AK3: variants seen among roughly 807,000 people sequenced by gnomAD.
AK3 encodes the protein GTP:AMP phosphotransferase AK3, mitochondrial.
AK3 carries 27 observed loss-of-function variants against 23.7 expected under a neutral mutation model. The observed-to-expected ratio is 1.14, with a 90% CI of 0.84 to 1.57. The LOEUF (loss-of-function observed/expected upper bound fraction) is 1.57, where lower values mean the gene tolerates loss of function less well. Ranked by LOEUF, AK3 falls within the 40% of genes most tolerant of loss-of-function variation. The pLI is 0.00. For missense variants in AK3, 406 were observed against 285.6 expected (o/e 1.42, Z -3.04); for synonymous variants, 159 against 116.0 (o/e 1.37, Z -2.38).
chr9:4,723,603 C>T (rs1388627178), intron 1 of AK3, among the ~76,000 whole-genome samples: 2 of 152,148 alleles, frequency 1.3e-5, no homozygotes, highest in East Asian at 3.8e-4. Context: ...AACCGTAATT[C>T]CATCATAATC....
intron 1 of AK3, among the ~76,000 whole-genome samples, chr9:4,729,339 C>T (rs773767306): frequency 2.6e-5 from 4 of 152,014 alleles, no homozygotes; most frequent in Non-Finnish European, 4.4e-5. Flanking sequence ...TTGCTGGGTG[C>T]TTGGTATGTG....
rs760405394 is a variant in AK3 at position 4,719,210 on chromosome 9, T to C, written c.369A>G (p.Gln123=). 4.3e-6 allele frequency: 7 copies of C among 1,611,938 alleles called. No homozygotes were observed. The highest frequency in any genetic ancestry group is 5.9e-6 in the Non-Finnish European group (7 of 1,179,834). ...NLNVPFEVIK[Q]RLTARWIHPA... is the part of the protein sequence containing the mutation. ...GATGAATCCAGCGAGCAGTAAGGCG[T>C]TGTTTAATGACCTCAAAGGGCACAT... Residue 123 remains glutamine, a synonymous_variant, in exon 3 of 5, where the codon CAA becomes CAG. Coordinates refer to ENST00000381809, the MANE Select transcript of AK3 (RefSeq NM_016282.4).
rs923277886 is a variant in AK3 at position 4,711,330 on chromosome 9, G to C, written c.*1646C>G. Reference sequence around the variant, plus strand: ...AGACTAATATATGCTTGATAACCTAGTGATAATCCATAAGTTTGGTATTTC... The same window carrying C: ...AGACTAATATATGCTTGATAACCTACTGATAATCCATAAGTTTGGTATTTC... On this transcript the variant is annotated 3_prime_UTR_variant, in exon 5 of 5. Coordinates refer to ENST00000381809, the MANE Select transcript of AK3 (RefSeq NM_016282.4). 6.6e-6 allele frequency: 1 copy of C among 152,494 alleles called. No homozygotes were observed. Among genetic ancestry groups the C allele is most frequent in the East Asian group, 1.9e-4 (1 of 5,186 alleles). The allele number at this position is 152,494 out of a possible 1,614,324, so 9.4% of individuals were successfully genotyped here.
At chr9:4,718,712 G>C (rs1260946014) in intron 3 of AK3, among the ~76,000 whole-genome samples, 175 bp from the exon 4 acceptor site, 1 of 152,130 alleles carries the variant, frequency 6.6e-6, no homozygotes, top group Non-Finnish European at 1.5e-5. Context: ...CAGAAACAGG[G>C]TACGCCAGTT....
intron 4 of AK3, among the ~76,000 whole-genome samples, chr9:4,716,194 G>C (rs1587636736): frequency 6.6e-6 from 1 of 152,104 alleles, no homozygotes; most frequent in Non-Finnish European, 1.5e-5. Context: ...GTGTGAATTA[G>C]GTTCTTAGTT....
At position 4,741,188 on chromosome 9, in the gene AK3, T is replaced by G. The variant is rs1026938850; in HGVS notation, c.-101A>C. The stretch of plus-strand genomic sequence containing the variant: ...TGCGCCGGCCGGCTAGCAGCGCCAC[T>G]AGCAGGCGGCTACTGCGGTTCCCCG... On this transcript the variant is annotated 5_prime_UTR_variant, in exon 1 of 5. Transcript: ENST00000381809. 8.1e-7 allele frequency: 1 copy of G among 1,241,524 alleles called. No homozygotes were observed. Among genetic ancestry groups the G allele is most frequent in the Non-Finnish European group, 1.0e-6 (1 of 965,798 alleles). The allele number at this position is 1,241,524 out of a possible 1,614,324, so 76.9% of individuals were successfully genotyped here.
chr9:4,740,144 T>C (rs187084747), intron 1 of AK3, among the ~76,000 whole-genome samples: 21 of 151,070 alleles, frequency 1.4e-4, no homozygotes, highest in Non-Finnish European at 2.5e-4. Flanking sequence ...TCAAAATGAG[T>C]TTCAAAACGG....
At position 4,740,969 on chromosome 9, in the gene AK3, T is replaced by C; in HGVS notation, c.119A>G (p.Asp40Gly). 6.3e-7 allele frequency: 1 copy of C among 1,583,520 alleles called. No individual in the cohort carries two copies. Among genetic ancestry groups the C allele is most frequent in the Non-Finnish European group, 8.6e-7 (1 of 1,167,212 alleles). ...CCGCAGCATGTTGTCCCGGAGCAGG[T>C]CCCCGCTGGAGAGGTGCTTCAGCTC... ...HFELKHLSSG[D>G]LLRDNMLRGT... Residue 40 changes from aspartate to glycine, a missense_variant, in exon 1 of 5, where the codon GAC becomes GGC. Transcript: ENST00000381809.
chr9:4,719,197 G>T lies in AK3; in HGVS notation c.382C>A (p.Arg128Ser). ...FEVIKQRLTA[R>S]WIHPASGRVY... ...CGGCCACTGGCGGGATGAATCCAGC[G>T]AGCAGTAAGGCGTTGTTTAATGACC... The change falls in exon 3 of 5, where the codon CGC (arginine) becomes AGC (serine). Residue 128 changes from arginine (R) to serine (S), a missense_variant. By Grantham distance (110) the Arg-to-Ser change is moderately radical (BLOSUM62 -1). Coordinates refer to ENST00000381809, the MANE Select transcript of AK3 (RefSeq NM_016282.4). The T allele has an allele frequency of 6.2e-7, 1 of 1,611,870 alleles. No homozygotes were observed. The highest frequency in any genetic ancestry group is 8.5e-7 in the Non-Finnish European group (1 of 1,179,824).
intron 2 of AK3, among the ~76,000 whole-genome samples, chr9:4,722,177 G>A (rs1294348682): frequency 1.3e-5 from 2 of 152,130 alleles, no homozygotes; most frequent in African/African-American, 2.4e-5. Flanking sequence ...CCATACTCCT[G>A]GCTAGGGAAA....
chr9:4,735,480 T>A (rs71490244), intron 1 of AK3, among the ~76,000 whole-genome samples: 41,226 of 60,146 alleles, frequency 0.69, 12,691 homozygotes, highest in Middle Eastern at 0.77. Flanking sequence ...ATATATATAT[T>A]TTTTTTTTTT....
At position 4,718,475 on chromosome 9, in the gene AK3, A is replaced by G; in HGVS notation, c.507T>C (p.Val169=). 6.2e-7 allele frequency: 1 copy of G among 1,613,700 alleles called. No individual in the cohort carries two copies. Among genetic ancestry groups the G allele is most frequent in the Non-Finnish European group, 8.5e-7 (1 of 1,179,840 alleles). ...IQREDDKPET[V]IKRLKAYEDQ... is the part of the protein sequence containing the mutation. ...CTTCATAAGCCTTTAGTCTCTTGAT[A>G]ACCGTCTCTGGTTTATCATCCTCAC... is the stretch of plus-strand genomic sequence containing the variant. Residue 169 remains valine, a synonymous_variant, in exon 4 of 5, where the codon GTT becomes GTC. Transcript: ENST00000381809.
At position 4,713,934 on chromosome 9, in the gene AK3, A is replaced by G. The variant is rs865986406; in HGVS notation, c.564-838T>C. 1.0e-3 allele frequency among the ~76,000 whole-genome samples: 154 copies of G among 150,512 alleles called. 2 individuals carry two copies. Among genetic ancestry groups the G allele is most frequent in the Middle Eastern group, 6.8e-3 (2 of 292 alleles). ...CACATATACACCTCCACATATACAC[A>G]CCTCCACATATACACGCCTACACAT... On this transcript the variant is annotated intron_variant, in intron 4 of 4. Transcript: ENST00000381809.
chr9:4,719,959 G>T (rs1346873238), intron 2 of AK3, among the ~76,000 whole-genome samples: 1 of 113,396 alleles, frequency 8.8e-6, no homozygotes, highest in African/African-American at 3.5e-5. Context: ...CAGCTAGTTG[G>T]GAGGCGAGGT....
At chr9:4,739,454 A>C (rs1421978702) in intron 1 of AK3, among the ~76,000 whole-genome samples, 1 of 151,160 alleles carries the variant, frequency 6.6e-6, no homozygotes, top group Non-Finnish European at 1.5e-5. Flanking sequence ...TTGACCTCAC[A>C]AAGTGCTGGG....
chr9:4,715,526 C>A (rs796773652), intron 4 of AK3, among the ~76,000 whole-genome samples: 89 of 151,858 alleles, frequency 5.9e-4, no homozygotes, highest in African/African-American at 2.1e-3. Context: ...TCCCCAGTAG[C>A]TGGGACTATA....
intron 2 of AK3, among the ~76,000 whole-genome samples, chr9:4,721,660 T>C (rs970357166): frequency 1.3e-5 from 2 of 152,132 alleles, no homozygotes; most frequent in African/African-American, 4.8e-5. Context: ...AGTTTCACCA[T>C]GTTGGCCAGG....
At chr9:4,724,112 G>T (rs1443595666) in intron 1 of AK3, among the ~76,000 whole-genome samples, 1 of 152,174 alleles carries the variant, frequency 6.6e-6, no homozygotes, top group Non-Finnish European at 1.5e-5. Flanking sequence ...TGCTGGATTT[G>T]CAGACTGCAC....
chr9:4,739,993 T>A (rs528702165), intron 1 of AK3, among the ~76,000 whole-genome samples: 1 of 145,544 alleles, frequency 6.9e-6, no homozygotes, highest in Non-Finnish European at 1.5e-5. Flanking sequence ...AGAATGGGAC[T>A]GAGGTAGGGA....
Sources: gnomAD v4.1 joint callset for allele counts (sites outside exome capture counted in the v4.1 genomes callset) on GRCh38, gnomAD v4.1.1 for gene constraint, MANE v1.5 for transcripts, NCBI Gene and HGNC (gene_info 2026-07-23, HGNC 2026-07-21) for gene names.